The following DNAH14 variants were observed in gnomAD, a reference collection of about 807,000 sequenced individuals.
DNAH14 encodes dynein axonemal heavy chain 14.
Under a neutral mutation model 520.9 loss-of-function variants are expected in DNAH14, and 478 were observed. The observed-to-expected ratio is 0.92, with a 90% CI of 0.85 to 0.99. The LOEUF (loss-of-function observed/expected upper bound fraction) is 0.99. Ranked by LOEUF, DNAH14 falls within the 50% of genes least tolerant of loss-of-function variation. DNAH14 has a pLI of 0.00. For missense variants in DNAH14, 4,831 were observed against 5,234.5 expected (o/e 0.92, Z 2.38); for synonymous variants, 1,581 against 1,757.2 (o/e 0.90, Z 2.51).
intron 27 of DNAH14, among the ~76,000 whole-genome samples, chr1:225,137,508 A>G (rs1324059640): frequency 6.6e-6 from 1 of 152,116 alleles, no homozygotes; most frequent in Non-Finnish European, 1.5e-5. Context: ...GGCATGCACC[A>G]CTACACCCGG....
intron 77 of DNAH14, among the ~76,000 whole-genome samples, chr1:225,371,908 T>C (rs2095623081): frequency 6.6e-6 from 1 of 152,162 alleles, no homozygotes; most frequent in African/African-American, 2.4e-5. Context: ...AGTCATAACA[T>C]TTGTTGAGAG....
In DNAH14 at chr1:225,292,670, C is replaced by T. The variant is rs1474923549; in HGVS notation, c.8469+2588C>T. ...GCATTTTTCAGAGATTGCAACAAATCTATAGATTGCTTTAGGTAGTATGGT... is the reference window on the plus strand; with the variant it reads ...GCATTTTTCAGAGATTGCAACAAATTTATAGATTGCTTTAGGTAGTATGGT... On this transcript the variant is annotated intron_variant, in intron 55 of 85. Transcript: ENST00000682510. Among the ~76,000 whole-genome samples, 8 of 152,016 alleles carry T rather than the reference C, an allele frequency of 5.3e-5. No individual in the cohort carries two copies. In the South Asian group the frequency reaches 6.2e-4, roughly 12 times the overall value.
At chr1:225,330,412 A>G (rs1467812139) in intron 64 of DNAH14, among the ~76,000 whole-genome samples, 1 of 152,230 alleles carries the variant, frequency 6.6e-6, no homozygotes, top group East Asian at 1.9e-4. Flanking sequence ...CTAAGTGTCC[A>G]TCAACAGATG....
At chr1:225,207,970 A>G (rs1050454166) in intron 41 of DNAH14, among the ~76,000 whole-genome samples, 5 of 152,200 alleles carry the variant, frequency 3.3e-5, no homozygotes, top group East Asian at 1.9e-4. Context: ...TTAGTACACC[A>G]CAGCACAGCT....
At chr1:225,176,075 G>C (rs1441846883) in intron 36 of DNAH14, among the ~76,000 whole-genome samples, 2 of 152,152 alleles carry the variant, frequency 1.3e-5, no homozygotes, top group African/African-American at 4.8e-5. Flanking sequence ...TTAAAGGAAA[G>C]AATGCATTAT....
chr1:225,093,970 A>T (rs1479835338), intron 21 of DNAH14, among the ~76,000 whole-genome samples: 13 of 152,214 alleles, frequency 8.5e-5, no homozygotes, highest in Admixed American at 8.5e-4. Flanking sequence ...TTGCTCAAAG[A>T]AATCAGAGAT....
chr1:225,144,744 C>T (rs1263494131), intron 29 of DNAH14, 116 bp downstream of exon 29: 2 of 778,926 alleles, frequency 2.6e-6, no homozygotes, highest in Non-Finnish European at 4.0e-6. Context: ...CATTAACAAG[C>T]ACATTCATTA....
chr1:225,146,514 A>G (rs2079957805), intron 30 of DNAH14, among the ~76,000 whole-genome samples: 1 of 152,210 alleles, frequency 6.6e-6, no homozygotes, highest in Admixed American at 6.5e-5. Context: ...GCAGCCTCTC[A>G]CAGAACACTG....
rs139079665 is a variant in DNAH14, at chr1:225,232,280, TACAC to T, written c.6518+1146_6518+1149del. ...ATATATAAACTGTGATATATATATA[TACAC>T]ACACACACACACACACGTGTATCAC... On this transcript the variant is annotated intron_variant, in intron 42 of 85. Transcript: ENST00000682510. The surrounding 1 kb of genome is among the most constrained non-coding windows in gnomAD (Gnocchi z 4.2). 1.6e-4 allele frequency among the ~76,000 whole-genome samples: 24 copies of T among 149,596 alleles called. 1 individual carries two copies. Among genetic ancestry groups the T allele is most frequent in the South Asian group, 4.2e-4 (2 of 4,710 alleles).
intron 38 of DNAH14, among the ~76,000 whole-genome samples, chr1:225,193,295 C>A (rs1321355804): frequency 6.6e-6 from 1 of 151,988 alleles, no homozygotes; most frequent in African/African-American, 2.4e-5. Flanking sequence ...AGAATAGATA[C>A]AAGTGGCAAA....
chr1:225,112,076 C>T (rs545929564), intron 23 of DNAH14, among the ~76,000 whole-genome samples: 15 of 152,168 alleles, frequency 9.9e-5, no homozygotes, highest in African/African-American at 3.6e-4. Flanking sequence ...GTAGTTTACA[C>T]ACCACAATTA....
rs147290131 is a variant in DNAH14, at chr1:225,025,138, G to A, written c.1358+1273G>A. ...GTATTACTTGAGTCCAGGAGTTTAA[G>A]ATCAGCCTAGGCAACATGGCGAGAC... On this transcript the variant is annotated intron_variant, in intron 11 of 85. Transcript: ENST00000682510. Among the ~76,000 whole-genome samples the A allele has an allele frequency of 3.3e-5, 5 of 152,050 alleles. No individual in the cohort carries two copies. In the East Asian group the frequency reaches 9.7e-4, roughly 29 times the overall value.
intron 17 of DNAH14, among the ~76,000 whole-genome samples, chr1:225,078,208 A>C (rs2072533617): frequency 6.6e-6 from 1 of 152,206 alleles, no homozygotes; most frequent in Admixed American, 6.5e-5. Context: ...TTTGAATCAC[A>C]GTTGTATAAC....
At chr1:225,010,251 A>G (rs763683838) in intron 10 of DNAH14, among the ~76,000 whole-genome samples, 1 of 151,996 alleles carries the variant, frequency 6.6e-6, no homozygotes, top group African/African-American at 2.4e-5. Flanking sequence ...TAGCTCTTAT[A>G]ATTTTGAGAT....
At chr1:225,100,259 T>C (rs2075334278) in intron 22 of DNAH14, among the ~76,000 whole-genome samples, 1 of 152,170 alleles carries the variant, frequency 6.6e-6, no homozygotes, top group Admixed American at 6.5e-5. Context: ...CATACCTCTG[T>C]ATTCTTGCTT....
chr1:225,369,035 T>C (rs1165248518), intron 77 of DNAH14, among the ~76,000 whole-genome samples: 1 of 152,194 alleles, frequency 6.6e-6, no homozygotes, highest in Non-Finnish European at 1.5e-5. Flanking sequence ...GACATGTTGG[T>C]GTCTAATGTA....
At chr1:225,382,861 G>T (rs2095798412) in intron 81 of DNAH14, among the ~76,000 whole-genome samples, 1 of 152,118 alleles carries the variant, frequency 6.6e-6, no homozygotes, top group African/African-American at 2.4e-5. Context: ...ATATTATTCA[G>T]CCAGCAAAAT....
intron 41 of DNAH14, among the ~76,000 whole-genome samples, chr1:225,227,129 G>A (rs555524225): frequency 6.6e-6 from 1 of 151,852 alleles, no homozygotes; most frequent in Non-Finnish European, 1.5e-5. Flanking sequence ...ACTGCAAAGA[G>A]GCCTTCCTCT....
Position 225,301,001 on chromosome 1 carries a change from A to C in DNAH14, c.8602A>C (p.Arg2868=). 1.3e-6 allele frequency: 2 copies of C among 1,549,766 alleles called. No homozygotes were observed. The highest frequency in any genetic ancestry group is 1.7e-6 in the Non-Finnish European group (2 of 1,146,502). The change falls in exon 56 of 86, where the codon AGG becomes CGG. Residue 2868 remains arginine, a synonymous_variant. Coordinates refer to ENST00000682510, the MANE Select transcript of DNAH14 (RefSeq NM_001367479.1). ...LTEQSGHMDN[R]QSLLSFFQKR... ...TGAACAATCTGGTCATATGGATAAT[A>C]GGCAATCTTTACTTTCATTCTTTCA...
Sources: allele counts gnomAD v4.1 joint callset (sites outside exome capture counted in the v4.1 genomes callset), GRCh38; gene constraint gnomAD v4.1.1; non-coding constraint Gnocchi (gnomAD v3.1); transcripts MANE v1.5; gene names NCBI Gene and HGNC (gene_info 2026-07-23, HGNC 2026-07-21).